Variants in FHIT observed in about 807,000 individuals in gnomAD.
The protein encoded by FHIT is fragile histidine triad diadenosine triphosphatase.
In FHIT, 19 loss-of-function variants were observed where a neutral mutation model predicts 17.9. That is an observed-to-expected ratio of 1.06 (90% CI 0.74 to 1.56). The LOEUF (loss-of-function observed/expected upper bound fraction) is 1.56, where lower values mean the gene tolerates loss of function less well. Ranked by LOEUF, FHIT falls within the 40% of genes most tolerant of loss-of-function variation. The pLI is 0.00. For missense variants in FHIT, 248 were observed against 189.2 expected (o/e 1.31, Z -1.82); for synonymous variants, 81 against 69.7 (o/e 1.16, Z -0.81).
chr3:60,321,733 T>C (rs1001115890), intron 5 of FHIT, among the ~76,000 whole-genome samples: 9 of 152,186 alleles, frequency 5.9e-5, no homozygotes, highest in Non-Finnish European at 5.9e-5. Context: ...ATAATAGAAA[T>C]TTATTTTTCA....
intron 5 of FHIT, among the ~76,000 whole-genome samples, chr3:60,252,431 G>T (rs1705760280): frequency 6.6e-6 from 1 of 151,952 alleles, no homozygotes; most frequent in African/African-American, 2.4e-5. Context: ...GATCATAATG[G>T]CAACTGCCTG....
chr3:60,121,707 C>CAA (rs764037002), intron 5 of FHIT, among the ~76,000 whole-genome samples: 17 of 62,278 alleles, frequency 2.7e-4, no homozygotes, highest in African/African-American at 9.4e-4. Context: ...ACAAACAAAA[C>CAA]AAACACACAC....
chr3:60,430,144 A>G (rs1392594928), intron 5 of FHIT, among the ~76,000 whole-genome samples: 1 of 152,078 alleles, frequency 6.6e-6, no homozygotes, highest in Non-Finnish European at 1.5e-5. Context: ...GATTTGCAGT[A>G]TTAAAAAGAT....
rs189794036 is a variant in FHIT, at chr3:61,127,737, G to A, written c.-164+72880C>T. ...AAAAATATTTTTTTTTGTATTACAG[G>A]GTGTGGCCTGTAATCCCAGATACTC... On this transcript the variant is annotated intron_variant, in intron 2 of 9. Transcript: ENST00000492590. Among the ~76,000 whole-genome samples the A allele has an allele frequency of 1.1e-4, 16 of 152,068 alleles. No homozygotes were observed. The East Asian group carries it at 3.1e-3, about 29-fold the overall frequency.
chr3:60,150,337 G>A (rs1700412271), intron 5 of FHIT, among the ~76,000 whole-genome samples: 1 of 152,158 alleles, frequency 6.6e-6, no homozygotes, highest in Admixed American at 6.5e-5. Flanking sequence ...ATACGGTACT[G>A]TAATTTCTCC....
intron 5 of FHIT, among the ~76,000 whole-genome samples, chr3:60,122,900 T>A (rs1402289135): frequency 1.3e-5 from 2 of 152,230 alleles, no homozygotes; most frequent in Non-Finnish European, 2.9e-5. Context: ...ATCTGAAATG[T>A]TTCCAGAGTT....
At chr3:61,209,648 G>T (rs1198322476) in intron 1 of FHIT, among the ~76,000 whole-genome samples, 1 of 152,128 alleles carries the variant, frequency 6.6e-6, no homozygotes, top group African/African-American at 2.4e-5. Flanking sequence ...CTCGTGCCTT[G>T]GTTTTCAGCT....
chr3:59,793,818 G>T (rs1699667791), intron 8 of FHIT, among the ~76,000 whole-genome samples: 1 of 152,126 alleles, frequency 6.6e-6, no homozygotes, highest in South Asian at 2.1e-4. Flanking sequence ...GTTTGGCTTT[G>T]GAGGGAAAAA....
intron 5 of FHIT, among the ~76,000 whole-genome samples, chr3:60,398,103 C>T (rs1192421458): frequency 2.0e-5 from 3 of 152,072 alleles, no homozygotes. Flanking sequence ...CTAATTCCTC[C>T]TGGTTGTGAG....
intron 5 of FHIT, among the ~76,000 whole-genome samples, chr3:60,496,634 G>A (rs1428514183): frequency 2.0e-5 from 3 of 152,052 alleles, no homozygotes; most frequent in African/African-American, 4.8e-5. Flanking sequence ...TCCACTGCTA[G>A]GTAAATATTC....
intron 4 of FHIT, among the ~76,000 whole-genome samples, chr3:60,589,488 A>G (rs2038013023): frequency 1.3e-5 from 2 of 152,108 alleles, no homozygotes. Flanking sequence ...ACATCATCAC[A>G]GTCCATGTAT....
At chr3:59,981,757 G>A (rs748083942) in intron 7 of FHIT, among the ~76,000 whole-genome samples, 1 of 152,118 alleles carries the variant, frequency 6.6e-6, no homozygotes, top group Non-Finnish European at 1.5e-5. Context: ...AATGTGAAAT[G>A]AGGCAAATAT....
intron 5 of FHIT, among the ~76,000 whole-genome samples, chr3:60,323,150 C>T (rs1398588401): frequency 6.6e-6 from 1 of 152,062 alleles, no homozygotes. Context: ...AAGGCCCTGT[C>T]TCCTCCTACT....
chr3:60,264,811 T>C (rs893308523), intron 5 of FHIT, among the ~76,000 whole-genome samples: 36 of 151,962 alleles, frequency 2.4e-4, no homozygotes, highest in African/African-American at 8.2e-4. Flanking sequence ...TTTAAGGCAA[T>C]TGTGATGAAA....
chr3:60,044,993 G>A (rs919249339), intron 5 of FHIT, among the ~76,000 whole-genome samples: 1 of 151,996 alleles, frequency 6.6e-6, no homozygotes, highest in Non-Finnish European at 1.5e-5. Flanking sequence ...TTGACCCAAA[G>A]TCTTACGTAC....
intron 5 of FHIT, among the ~76,000 whole-genome samples, chr3:60,274,559 A>G (rs934262993): frequency 2.8e-4 from 42 of 152,358 alleles, no homozygotes; most frequent in African/African-American, 1.0e-3. Flanking sequence ...TTACAATGAT[A>G]TGGAAACAAA....
intron 7 of FHIT, among the ~76,000 whole-genome samples, chr3:59,993,527 A>G (rs757360611): frequency 7.2e-5 from 11 of 152,014 alleles, no homozygotes; most frequent in Non-Finnish European, 1.6e-4. Context: ...CAGCCTCTCT[A>G]CCTTCCCAGT....
intron 5 of FHIT, among the ~76,000 whole-genome samples, chr3:60,215,248 T>C (rs1393535286): frequency 1.3e-5 from 2 of 151,956 alleles, no homozygotes; most frequent in Admixed American, 6.6e-5. Context: ...TCCCAGCACG[T>C]TGGGAGGCCA....
chr3:60,727,799 A>C (rs923788817), intron 4 of FHIT, among the ~76,000 whole-genome samples: 9 of 152,094 alleles, frequency 5.9e-5, no homozygotes, highest in Non-Finnish European at 1.3e-4. Context: ...GTCAGGAGAT[A>C]GAGACCATCC....
Sources: allele counts gnomAD v4.1 joint callset (sites outside exome capture counted in the v4.1 genomes callset), GRCh38; gene constraint gnomAD v4.1.1; transcripts MANE v1.5; gene names NCBI Gene and HGNC (gene_info 2026-07-23, HGNC 2026-07-21).